The following LSM14A variants were observed in gnomAD, a reference collection of about 807,000 sequenced individuals.
LSM14A encodes the protein LSM14A mRNA processing body assembly factor.
In LSM14A, 14 loss-of-function variants were observed where a neutral mutation model predicts 52.4. That is an observed-to-expected ratio of 0.27 (90% CI 0.18 to 0.42). LSM14A has a LOEUF of 0.42. Among genes scored for constraint, LSM14A ranks in the 10% least tolerant of loss-of-function variants. The pLI is 1.00. For missense variants in LSM14A, 417 were observed against 581.8 expected (o/e 0.72, Z 2.91); for synonymous variants, 185 against 200.3 (o/e 0.92, Z 0.64).
chr19:34,221,396 T>A, intron 8 of LSM14A, 111 bp from the exon 9 acceptor site: 2 of 1,227,514 alleles, frequency 1.6e-6, no homozygotes, highest in East Asian at 5.1e-5. Context: ...TGCTTATTTC[T>A]AATTAGCTTT....
chr19:34,216,204 G>A (rs1412757655), intron 6 of LSM14A, among the ~76,000 whole-genome samples: 1 of 152,086 alleles, frequency 6.6e-6, no homozygotes, highest in Non-Finnish European at 1.5e-5. Flanking sequence ...ACGAGGTCAG[G>A]AGCTCGAGAC....
intron 3 of LSM14A, among the ~76,000 whole-genome samples, chr19:34,205,342 C>T (rs2071605849): frequency 1.3e-5 from 2 of 151,250 alleles, no homozygotes; most frequent in African/African-American, 4.9e-5. Context: ...AAAAATTAGC[C>T]AGGTATGATG....
chr19:34,212,166 T>C (rs906049342), intron 4 of LSM14A, among the ~76,000 whole-genome samples: 2 of 151,928 alleles, frequency 1.3e-5, no homozygotes, highest in African/African-American at 4.8e-5. Context: ...CAGGACCCTG[T>C]CTCTAAAAAA....
At chr19:34,208,179 T>C (rs2071851207) in intron 3 of LSM14A, 1 of 152,226 alleles carries the variant, frequency 6.6e-6, no homozygotes, top group African/African-American at 2.4e-5. Flanking sequence ...ATTTATATTT[T>C]GTAAAGAATC....
rs767385285 is a variant in LSM14A at position 34,219,795 on chromosome 19, G to A, written c.1054G>A (p.Asp352Asn). 37 of 1,613,142 alleles carry A rather than the reference G, an allele frequency of 2.3e-5. No individual in the cohort carries two copies. In the East Asian group the frequency reaches 2.9e-4, roughly 13 times the overall value. ...TACCCAAAACAGTGAAGGAAATGCCGATGAAGAAGATCCACTTGGACCTAA... is the reference window on the plus strand; with the variant it reads ...TACCCAAAACAGTGAAGGAAATGCCAATGAAGAAGATCCACTTGGACCTAA... ...VDTQNSEGNA[D>N]EEDPLGPNCY... Residue 352 changes from aspartate (D) to asparagine (N), a missense_variant, in exon 8 of 10, where the codon GAT (aspartate) becomes AAT (asparagine). Around this residue, in one of 2 missense-constraint regions of LSM14A, gnomAD observed 357 missense variants for 457.0 expected, o/e 0.78. Coordinates refer to ENST00000544216, the MANE Select transcript of LSM14A (RefSeq NM_015578.4).
intron 1 of LSM14A, among the ~76,000 whole-genome samples, chr19:34,183,927 C>T (rs1346570549): frequency 2.0e-5 from 3 of 152,158 alleles, no homozygotes; most frequent in Admixed American, 2.0e-4. Flanking sequence ...GTATCCATCA[C>T]CACAGTCCAG....
chr19:34,199,242 A>C (rs1327065209), intron 3 of LSM14A, among the ~76,000 whole-genome samples: 1 of 151,880 alleles, frequency 6.6e-6, no homozygotes, highest in African/African-American at 2.4e-5. Context: ...CTCCCACCTC[A>C]ACCTCCCGAG....
chr19:34,183,676 GCCGCAA>G (rs1166891172), intron 1 of LSM14A, among the ~76,000 whole-genome samples: 1 of 152,158 alleles, frequency 6.6e-6, no homozygotes, highest in African/African-American at 2.4e-5. Flanking sequence ...AAAGTTGAGA[GCCGCAA>G]CCTAAGTAGT....
At chr19:34,219,903 T>A in intron 8 of LSM14A, 26 bp downstream of exon 8, 2 of 1,486,226 alleles carry the variant, frequency 1.3e-6, no homozygotes, top group Non-Finnish European at 1.9e-6. Context: ...TGTTCTTTTA[T>A]CTTATGATAT....
chr19:34,176,544 AAT>A (rs890082072), intron 1 of LSM14A, among the ~76,000 whole-genome samples: 7 of 152,174 alleles, frequency 4.6e-5, no homozygotes, highest in African/African-American at 7.2e-5. Flanking sequence ...ATCTCTAAAT[AAT>A]AGAGTTTAAT....
At chr19:34,192,319 G>GTTGTTGTTTTTTTTTTTTTTTTTTT (rs60512063) in intron 1 of LSM14A, among the ~76,000 whole-genome samples, 1 of 53,410 alleles carries the variant, frequency 1.9e-5, no homozygotes, top group African/African-American at 8.1e-5. Context: ...TCTTTTTGTT[G>GTTGTTGTTTTTTTTTTTTTTTTTTT]TTTTTTTTTT....
chr19:34,199,264 A>T (rs1011352567), intron 3 of LSM14A, among the ~76,000 whole-genome samples: 1 of 151,948 alleles, frequency 6.6e-6, no homozygotes, highest in African/African-American at 2.4e-5. Flanking sequence ...AGCTGGGATT[A>T]TAGGCATGCA....
At chr19:34,216,237 C>A (rs529521242) in intron 6 of LSM14A, among the ~76,000 whole-genome samples, 152 of 152,102 alleles carry the variant, frequency 1.0e-3, no homozygotes, top group Non-Finnish European at 1.9e-3. Flanking sequence ...CATGGTGAAA[C>A]CCCGTCTCCA....
In LSM14A at chr19:34,219,556, A is replaced by G; in HGVS notation, c.947A>G (p.Asn316Ser). Residue 316 changes from asparagine (N) to serine (S), a missense_variant, in exon 7 of 10, where the codon AAT becomes AGT. This residue lies in a region of LSM14A where 357 missense variants were observed against 457.0 expected (regional missense o/e 0.78). Coordinates refer to ENST00000544216, the MANE Select transcript of LSM14A (RefSeq NM_015578.4). ...NKEEIDREFH[N>S]KLKLKEDKLE... ...GAAGAGATTGACAGAGAGTTTCATA[A>G]TAAACTTAAATTAAAAGGTAAGCTT... is the stretch of plus-strand genomic sequence containing the variant. 6.2e-7 allele frequency: 1 copy of G among 1,609,568 alleles called. No individual in the cohort carries two copies. Among genetic ancestry groups the G allele is most frequent in the Non-Finnish European group, 8.5e-7 (1 of 1,177,492 alleles).
intron 1 of LSM14A, among the ~76,000 whole-genome samples, chr19:34,182,605 A>G (rs1232831447): frequency 6.6e-6 from 1 of 150,746 alleles, no homozygotes; most frequent in Admixed American, 6.6e-5. Context: ...TGGGAGGCCA[A>G]GGCGGGCAGA....
At chr19:34,185,089 G>C (rs1189821383) in intron 1 of LSM14A, among the ~76,000 whole-genome samples, 1 of 152,196 alleles carries the variant, frequency 6.6e-6, no homozygotes, top group African/African-American at 2.4e-5. Flanking sequence ...GTTTTATAAG[G>C]ACAAGATGGG....
At position 34,227,514 on chromosome 19, in the gene LSM14A, GT is replaced by G; in HGVS notation, c.*132del. 2 of 708,854 alleles carry G rather than the reference GT, an allele frequency of 2.8e-6. No homozygotes were observed. Among genetic ancestry groups the G allele is most frequent in the Non-Finnish European group, 4.6e-6 (2 of 436,292 alleles). 43.9% of individuals were successfully genotyped at this position (708,854 alleles called of 1,614,324 possible). The stretch of plus-strand genomic sequence containing the variant: ...CATTTGTCACCAGCACTGGGTTTTT[GT>G]TTTTTGTTTGTTTTTCCGCTTAATT... On this transcript the variant is annotated 3_prime_UTR_variant, in exon 10 of 10. Coordinates refer to ENST00000544216, the MANE Select transcript of LSM14A (RefSeq NM_015578.4).
chr19:34,201,764 T>A (rs1183522333), intron 3 of LSM14A, among the ~76,000 whole-genome samples: 1 of 152,226 alleles, frequency 6.6e-6, no homozygotes, highest in Non-Finnish European at 1.5e-5. Context: ...TATTGCTATT[T>A]GATGAGAAAA....
At chr19:34,176,899 G>A (rs1376783217) in intron 1 of LSM14A, among the ~76,000 whole-genome samples, 4 of 152,170 alleles carry the variant, frequency 2.6e-5, no homozygotes, top group Admixed American at 2.0e-4. Context: ...TTATTAGTAT[G>A]TAAGAGTTCT....
Sources: allele counts gnomAD v4.1 joint callset (sites outside exome capture counted in the v4.1 genomes callset), GRCh38; gene constraint gnomAD v4.1.1; regional missense constraint gnomAD v4.1.1; transcripts MANE v1.5; gene names NCBI Gene and HGNC (gene_info 2026-07-23, HGNC 2026-07-21).